Variants in LPIN2 observed in about 807,000 individuals in gnomAD.
The protein encoded by LPIN2 is lipin 2, also known as phosphatidate phosphatase LPIN2.
LPIN2 carries 55 observed loss-of-function variants against 111.4 expected under a neutral mutation model. The ratio of observed to expected loss-of-function variants is 0.49; its 90% CI spans 0.40 to 0.62. LPIN2 has a LOEUF of 0.62. Among genes scored for constraint, LPIN2 ranks in the 20% least tolerant of loss-of-function variants. The pLI is 0.00. For missense variants in LPIN2, 992 were observed against 1,112.1 expected (o/e 0.89, Z 1.54); for synonymous variants, 425 against 414.0 (o/e 1.03, Z -0.32).
chr18:3,007,916 A>G (rs976257501), intron 1 of LPIN2, among the ~76,000 whole-genome samples: 2 of 152,230 alleles, frequency 1.3e-5, no homozygotes, highest in African/African-American at 4.8e-5. Context: ...ATAAGTTTAA[A>G]GCCATGTCTC....
intron 2 of LPIN2, 69 bp downstream of exon 2, chr18:2,960,580 C>A: frequency 6.6e-7 from 1 of 1,506,482 alleles, no homozygotes; most frequent in South Asian, 1.1e-5. Flanking sequence ...CTTTTCTACT[C>A]CTTGAGGACA....
intron 1 of LPIN2, among the ~76,000 whole-genome samples, chr18:2,986,547 T>TGG (rs10692682): frequency 0.033 from 4,491 of 135,044 alleles, 179 homozygotes; most frequent in East Asian, 0.082. Context: ...TTTTTTAATG[T>TGG]AAAAAAAAAA....
intron 7 of LPIN2, among the ~76,000 whole-genome samples, chr18:2,935,457 A>T (rs1215674436): frequency 6.6e-6 from 1 of 152,222 alleles, no homozygotes; most frequent in Non-Finnish European, 1.5e-5. Flanking sequence ...GCTCTTTAAA[A>T]GGTTACTATC....
chr18:3,000,358 G>A (rs143845629), intron 1 of LPIN2, among the ~76,000 whole-genome samples: 38 of 152,246 alleles, frequency 2.5e-4, no homozygotes, highest in East Asian at 7.7e-4. Flanking sequence ...ATTTCCTGGC[G>A]TCAGAAACAT....
chr18:2,985,589 G>C (rs2078176342), intron 1 of LPIN2, among the ~76,000 whole-genome samples: 1 of 152,066 alleles, frequency 6.6e-6, no homozygotes, highest in African/African-American at 2.4e-5. Context: ...CAGCTTTAAT[G>C]ATGCTAAGTA....
At chr18:3,001,386 T>C (rs980187811) in intron 1 of LPIN2, among the ~76,000 whole-genome samples, 15 of 148,506 alleles carry the variant, frequency 1.0e-4, no homozygotes, top group African/African-American at 3.7e-4. Flanking sequence ...AATAAAATAA[T>C]TGTTGACTCC....
At chr18:2,945,365 C>T (rs1598551473) in intron 4 of LPIN2, among the ~76,000 whole-genome samples, 2 of 152,164 alleles carry the variant, frequency 1.3e-5, no homozygotes, top group Middle Eastern at 3.4e-3. Flanking sequence ...TTACATAACA[C>T]GAAAGAAAGA....
At chr18:2,970,825 G>T (rs2077895803) in intron 1 of LPIN2, among the ~76,000 whole-genome samples, 1 of 152,194 alleles carries the variant, frequency 6.6e-6, no homozygotes, top group East Asian at 1.9e-4. Flanking sequence ...TTTAAATTAG[G>T]ATTTTTGGAT....
rs575674367 is a variant in LPIN2, at chr18:2,940,929, G to A, written c.591-217C>T. 4.8e-4 allele frequency among the ~76,000 whole-genome samples: 73 copies of A among 152,244 alleles called. 1 individual carries two copies. The highest frequency in any genetic ancestry group is 1.7e-3 in the South Asian group (8 of 4,828). ...TCACATATGGAATAAATAGGGGGAG[G>A]ACAAAAGAGAAATGTGATTTCTCTT... On this transcript the variant is annotated intron_variant, in intron 4 of 19. Coordinates refer to ENST00000677752, the MANE Select transcript of LPIN2 (RefSeq NM_001375808.2).
intron 11 of LPIN2, among the ~76,000 whole-genome samples, 185 bp from the exon 12 acceptor site, chr18:2,927,996 A>T (rs1427019156): frequency 6.6e-6 from 1 of 151,846 alleles, no homozygotes; most frequent in Non-Finnish European, 1.5e-5. Context: ...TCCTGCTTTC[A>T]TGGCAGCACA....
At chr18:2,960,197 T>TGTGG (rs1157000798) in intron 2 of LPIN2, among the ~76,000 whole-genome samples, 1 of 151,664 alleles carries the variant, frequency 6.6e-6, no homozygotes, top group African/African-American at 2.4e-5. Context: ...TGTGTGTGTG[T>TGTGG]GTGTGTGTGT....
At chr18:2,926,307 C>T (rs2077129775) in intron 13 of LPIN2, among the ~76,000 whole-genome samples, 1 of 152,162 alleles carries the variant, frequency 6.6e-6, no homozygotes, top group Admixed American at 6.5e-5. Context: ...CGGCGTATCG[C>T]GAGCAACTCC....
chr18:3,004,749 A>G (rs2078486137), intron 1 of LPIN2, among the ~76,000 whole-genome samples: 1 of 152,148 alleles, frequency 6.6e-6, no homozygotes, highest in South Asian at 2.1e-4. Context: ...CCCGAGAGCA[A>G]TATTTAGGTT....
At chr18:2,921,046 C>G (rs2077046300) in intron 18 of LPIN2, 165 bp from the exon 19 acceptor site, 4 of 683,614 alleles carry the variant, frequency 5.9e-6, no homozygotes, top group Non-Finnish European at 8.0e-6. Context: ...CAAACCTAAA[C>G]TACAGAGTGG....
At chr18:3,000,486 G>A (rs909083212) in intron 1 of LPIN2, among the ~76,000 whole-genome samples, 6 of 152,198 alleles carry the variant, frequency 3.9e-5, no homozygotes, top group South Asian at 2.1e-4. Flanking sequence ...AATAGACAAC[G>A]TTAAAGGCTA....
rs373147547 is a variant in LPIN2, at chr18:2,935,190, T to G, written c.1169-740A>C. ...CTAAGATACTTCCTTAATAATTTTA[T>G]ATTGATTACATATTAAAATTATATT... On this transcript the variant is annotated intron_variant, in intron 7 of 19. Transcript: ENST00000677752. 2.0e-5 allele frequency among the ~76,000 whole-genome samples: 3 copies of G among 152,222 alleles called. No homozygotes were observed. The South Asian group carries it at 6.2e-4, about 32-fold the overall frequency.
intron 11 of LPIN2, 152 bp downstream of exon 11, chr18:2,928,439 G>A (rs2077167618): frequency 2.7e-6 from 2 of 748,310 alleles, no homozygotes; most frequent in Non-Finnish European, 4.6e-6. Flanking sequence ...TATTTTTAGT[G>A]GGTACATATG....
chr18:2,946,435 G>A (rs780279689), intron 4 of LPIN2: 10 of 1,440,262 alleles, frequency 6.9e-6, no homozygotes, highest in African/African-American at 2.8e-5. Context: ...TTAATGCATC[G>A]TGAAAGACTG....
At position 2,939,608 on chromosome 18, in the gene LPIN2, A is replaced by C; in HGVS notation, c.699-5T>G. ...CACGCTGTCTGGGGATAGGTGCTGCAAAGAGAACAAAGACACACGATGACT... is the reference window on the plus strand; with the variant it reads ...CACGCTGTCTGGGGATAGGTGCTGCCAAGAGAACAAAGACACACGATGACT... On this transcript the variant is annotated splice_region_variant and splice_polypyrimidine_tract_variant and intron_variant, in intron 5 of 19. Coordinates refer to ENST00000677752, the MANE Select transcript of LPIN2 (RefSeq NM_001375808.2). The C allele has an allele frequency of 6.2e-7, 1 of 1,612,790 alleles. No individual in the cohort carries two copies. The highest frequency in any genetic ancestry group is 1.3e-5 in the African/African-American group (1 of 75,032).
Sources: allele counts gnomAD v4.1 joint callset (sites outside exome capture counted in the v4.1 genomes callset), GRCh38; gene constraint gnomAD v4.1.1; transcripts MANE v1.5; gene names NCBI Gene and HGNC (gene_info 2026-07-23, HGNC 2026-07-21).